ARF1: variants seen among roughly 807,000 people sequenced by gnomAD.
ARF1 encodes ADP-ribosylation factor 1.
Under a neutral mutation model 18.0 loss-of-function variants are expected in ARF1, and 1 was observed. The observed-to-expected ratio is 0.06, with a 90% CI of 0.02 to 0.26. The LOEUF (loss-of-function observed/expected upper bound fraction) is 0.26, where lower values mean the gene tolerates loss of function less well. Ranked by LOEUF, ARF1 falls within the 10% of genes least tolerant of loss-of-function variation. The pLI is 1.00. For synonymous variants in ARF1, 112 were observed against 96.3 expected, an observed-to-expected ratio of 1.16 and a Z score of -0.95; for missense variants, 73 against 247.2, an observed-to-expected ratio of 0.30 and a Z score of 4.73.
At position 228,097,418 on chromosome 1, in the gene ARF1, G is replaced by A; in HGVS notation, c.225G>A (p.Arg75=). ...ACGTGGGTGGCCAGGACAAGATCCG[G>A]CCCCTGTGGCGCCACTACTTCCAGA... ...VWDVGGQDKI[R]PLWRHYFQNT... Residue 75 remains arginine, a synonymous_variant, in exon 3 of 5, where the codon CGG becomes CGA. Transcript: ENST00000272102. The surrounding 1 kb of genome is among the most constrained non-coding windows in gnomAD (Gnocchi z 8.1). 6.2e-7 allele frequency: 1 copy of A among 1,614,178 alleles called. No individual in the cohort carries two copies. The highest frequency in any genetic ancestry group is 1.6e-4 in the Middle Eastern group (1 of 6,062).
In ARF1 at chr1:228,098,124, G is replaced by C; in HGVS notation, c.*111G>C. On this transcript the variant is annotated 3_prime_UTR_variant, in exon 5 of 5. Transcript: ENST00000272102. ...GCTGCCTCCGTGGTTTGGTCACCGT[G>C]TGCATCGCACCGTGCTGTAAATGTG... The C allele has an allele frequency of 7.4e-7, 1 of 1,345,480 alleles. No individual in the cohort carries two copies. Among genetic ancestry groups the C allele is most frequent in the Non-Finnish European group, 1.0e-6 (1 of 984,596 alleles). The allele number at this position is 1,345,480 out of a possible 1,614,324, so 83.3% of individuals were successfully genotyped here.
At chr1:228,096,896 A>G (rs2032764563) in intron 1 of ARF1, among the ~76,000 whole-genome samples, 182 bp from the exon 2 acceptor site, 3 of 152,198 alleles carry the variant, frequency 2.0e-5, no homozygotes, top group Admixed American at 1.3e-4. Flanking sequence ...TGACTCAGCC[A>G]TTTTCCCTCA....
At position 228,091,919 on chromosome 1, in the gene ARF1, G is replaced by A. The variant is rs112958994; in HGVS notation, c.-37-5159G>A. Among the ~76,000 whole-genome samples the A allele has an allele frequency of 6.5e-3, 996 of 152,182 alleles. 10 individuals carry two copies. The highest frequency in any genetic ancestry group is 0.022 in the African/African-American group (918 of 41,488). On this transcript the variant is annotated intron_variant, in intron 1 of 4. Transcript: ENST00000272102. ...ACTCCCTTAAAATGAAAATCTTCGT[G>A]TGGGACATGAACACAGGCTTTCACG...
At chr1:228,087,683 G>A (rs887797600) in intron 1 of ARF1, among the ~76,000 whole-genome samples, 6 of 152,218 alleles carry the variant, frequency 3.9e-5, no homozygotes, top group African/African-American at 1.4e-4. Flanking sequence ...AGGACCTGGG[G>A]GCAGGTTTAG....
chr1:228,085,327 A>G (rs1018865191), intron 1 of ARF1, among the ~76,000 whole-genome samples: 2 of 152,232 alleles, frequency 1.3e-5, no homozygotes, highest in African/African-American at 2.4e-5. Context: ...AGTTGCATTT[A>G]TTGCCTTACA....
intron 1 of ARF1, among the ~76,000 whole-genome samples, chr1:228,096,114 T>C (rs961714238): frequency 2.6e-5 from 4 of 152,152 alleles, no homozygotes; most frequent in African/African-American, 9.7e-5. Flanking sequence ...AGAAGAGGCA[T>C]TTCCTTGCCG....
intron 1 of ARF1, chr1:228,096,379 A>G (rs1481620286): frequency 6.6e-6 from 1 of 152,284 alleles, no homozygotes; most frequent in Non-Finnish European, 1.5e-5. Flanking sequence ...TGTTCGGGAT[A>G]AAATCACCTG....
In ARF1 at chr1:228,098,923, A is replaced by G. The variant is rs748971089; in HGVS notation, c.*910A>G. 6.6e-6 allele frequency: 1 copy of G among 152,312 alleles called. No individual in the cohort carries two copies. The highest frequency in any genetic ancestry group is 1.5e-5 in the Non-Finnish European group (1 of 67,930). The allele number at this position is 152,312 out of a possible 1,614,324, so 9.4% of individuals were successfully genotyped here. Reference sequence around the variant, plus strand: ...ACCCACAGCCCCTCGGGAGCACCCCACCTCTGTGTGTGATGTAGCTTTCTC... The same window carrying G: ...ACCCACAGCCCCTCGGGAGCACCCCGCCTCTGTGTGTGATGTAGCTTTCTC... On this transcript the variant is annotated 3_prime_UTR_variant, in exon 5 of 5. Coordinates refer to ENST00000272102, the MANE Select transcript of ARF1 (RefSeq NM_001658.4).
chr1:228,095,101 C>T (rs1446509974), intron 1 of ARF1, among the ~76,000 whole-genome samples: 1 of 152,190 alleles, frequency 6.6e-6, no homozygotes, highest in African/African-American at 2.4e-5. Context: ...CTTCTGAGCA[C>T]CTTCATTTTG....
intron 1 of ARF1, among the ~76,000 whole-genome samples, chr1:228,084,652 C>T (rs1363188916): frequency 6.6e-6 from 1 of 152,184 alleles, no homozygotes; most frequent in Non-Finnish European, 1.5e-5. Context: ...TCATCTGCCC[C>T]TACGGACCAG....
intron 1 of ARF1, among the ~76,000 whole-genome samples, chr1:228,085,236 C>T (rs999261280): frequency 6.6e-6 from 1 of 152,190 alleles, no homozygotes; most frequent in Non-Finnish European, 1.5e-5. Context: ...AAGATTTGGC[C>T]CCTTCATGTT....
intron 1 of ARF1, among the ~76,000 whole-genome samples, chr1:228,084,513 A>G (rs540224948): frequency 7.2e-5 from 11 of 152,356 alleles, no homozygotes; most frequent in Admixed American, 2.0e-4. Flanking sequence ...GAGTCACACA[A>G]TGACTGTGAG....
chr1:228,096,987 G>A, intron 1 of ARF1, 91 bp from the exon 2 acceptor site: 1 of 1,193,676 alleles, frequency 8.4e-7, no homozygotes, highest in Non-Finnish European at 1.2e-6. Context: ...AGGAGGTGGG[G>A]TGAGGCAGTG....
chr1:228,084,568 G>A (rs78593148), intron 1 of ARF1, among the ~76,000 whole-genome samples: 141 of 152,342 alleles, frequency 9.3e-4, no homozygotes, highest in African/African-American at 3.1e-3. Flanking sequence ...TTCTGGTTTT[G>A]TACATCATGT....
intron 1 of ARF1, among the ~76,000 whole-genome samples, chr1:228,087,085 T>C (rs2032425722): frequency 6.6e-6 from 1 of 152,188 alleles, no homozygotes; most frequent in Admixed American, 6.5e-5. Flanking sequence ...TTGAAAGCCT[T>C]CTAGGCAGAA....
At position 228,082,869 on chromosome 1, in the gene ARF1, G is replaced by T; in HGVS notation, c.-38+104G>T. 6.6e-6 allele frequency: 1 copy of T among 150,948 alleles called. No homozygotes were observed. The highest frequency in any genetic ancestry group is 2.0e-4 in the South Asian group (1 of 5,100). The allele number at this position is 150,948 out of a possible 1,614,324, so 9.4% of individuals were successfully genotyped here. Reference sequence around the variant, plus strand: ...ACTTGAGGTTCGCGAAGGGCACGTCGACCCCCGCGGCGGCGGCGGCGACAG... The same window carrying T: ...ACTTGAGGTTCGCGAAGGGCACGTCTACCCCCGCGGCGGCGGCGGCGACAG... On this transcript the variant is annotated intron_variant, in intron 1 of 4. Coordinates refer to ENST00000272102, the MANE Select transcript of ARF1 (RefSeq NM_001658.4). This position sits in a 1 kb window ranked among gnomAD's most constrained non-coding sequence, Gnocchi z 6.1.
intron 1 of ARF1, chr1:228,090,550 G>T (rs1297621980): frequency 6.6e-6 from 1 of 152,260 alleles, no homozygotes; most frequent in Non-Finnish European, 1.5e-5. Flanking sequence ...AGTGTTGGGG[G>T]CTAATGTGGG....
At chr1:228,094,449 C>T (rs1462691459) in intron 1 of ARF1, among the ~76,000 whole-genome samples, 2 of 152,110 alleles carry the variant, frequency 1.3e-5, no homozygotes, top group Non-Finnish European at 2.9e-5. Flanking sequence ...TCTTTTCGTT[C>T]CATTTCATGC....
intron 1 of ARF1, among the ~76,000 whole-genome samples, chr1:228,087,882 C>T (rs995346481): frequency 1.6e-4 from 25 of 152,140 alleles, no homozygotes; most frequent in African/African-American, 5.8e-4. Context: ...CTTGTTGATG[C>T]GATAGGTTTT....
Sources: gnomAD v4.1 joint callset for allele counts (sites outside exome capture counted in the v4.1 genomes callset) on GRCh38, gnomAD v4.1.1 for gene constraint, Gnocchi (gnomAD v3.1) non-coding constraint, MANE v1.5 for transcripts, NCBI Gene and HGNC (gene_info 2026-07-23, HGNC 2026-07-21) for gene names.